CADPS: variants seen among roughly 807,000 people sequenced by gnomAD.
CADPS encodes calcium-dependent secretion activator 1.
Under a neutral mutation model 167.3 loss-of-function variants are expected in CADPS, and 57 were observed. The observed-to-expected ratio is 0.34, with a 90% CI of 0.28 to 0.42. The LOEUF (loss-of-function observed/expected upper bound fraction) is 0.42, where lower values mean the gene tolerates loss of function less well. Ranked by LOEUF, CADPS falls within the 20% of genes least tolerant of loss-of-function variation. CADPS has a pLI of 1.00. For missense variants in CADPS, 1,414 were observed against 1,738.1 expected, an observed-to-expected ratio of 0.81 and a Z score of 3.32; for synonymous variants, 676 against 635.3, an observed-to-expected ratio of 1.06 and a Z score of -0.96.
intron 17 of CADPS, among the ~76,000 whole-genome samples, chr3:62,510,190 G>A (rs146196991): frequency 5.3e-5 from 1 of 18,820 alleles, no homozygotes; most frequent in Non-Finnish European, 1.0e-4. Flanking sequence ...ACCTATTTCT[G>A]CATCTATCTA....
Position 62,474,170 on chromosome 3 carries a change from T to TTTTTTTTTTTTTTTTTAAC in CADPS, c.3477+2_3477+3insGTTAAAAAAAAAAAAAAAA. 6.8e-7 allele frequency: 1 copy of TTTTTTTTTTTTTTTTTAAC among 1,475,400 alleles called. No individual in the cohort carries two copies. The highest frequency in any genetic ancestry group is 9.0e-7 in the Non-Finnish European group (1 of 1,105,888). The allele number at this position is 1,475,400 out of a possible 1,614,324, so 91.4% of individuals were successfully genotyped here. On this transcript the variant is annotated splice_region_variant and intron_variant, in intron 24 of 29. Transcript: ENST00000383710. ...AAATCTGTATTTTTTTTTTTTTTTTTACCTCTTGGCCCATTTCCATGCTGC... is the reference window on the plus strand; with the variant it reads ...AAATCTGTATTTTTTTTTTTTTTTTTTTTTTTTTTTTTTTTTAACACCTCTTGGCCCATTTCCATGCTGC...
At chr3:62,731,506 C>T (rs1397723255) in intron 3 of CADPS, among the ~76,000 whole-genome samples, 1 of 152,010 alleles carries the variant, frequency 6.6e-6, no homozygotes, top group Admixed American at 6.6e-5. Flanking sequence ...ATAACTTGTA[C>T]CCCAAATTAG....
chr3:62,608,484 T>C (rs2061012596), intron 6 of CADPS, among the ~76,000 whole-genome samples: 1 of 151,988 alleles, frequency 6.6e-6, no homozygotes, highest in Non-Finnish European at 1.5e-5. Flanking sequence ...GGTTTTGCCA[T>C]GTTGCCCAGG....
chr3:62,543,845 C>T (rs2076071294), intron 11 of CADPS, among the ~76,000 whole-genome samples: 6 of 151,982 alleles, frequency 3.9e-5, no homozygotes, highest in Admixed American at 3.9e-4. Context: ...ATAGTTTTTT[C>T]CTATATAAAT....
rs1000386474 is a variant in CADPS at position 62,727,794 on chromosome 3, A to T, written c.888+25647T>A. 4.6e-5 allele frequency among the ~76,000 whole-genome samples: 7 copies of T among 151,920 alleles called. 1 individual carries two copies. Among genetic ancestry groups the T allele is most frequent in the Admixed American group, 3.3e-4 (5 of 15,272 alleles). On this transcript the variant is annotated intron_variant, in intron 3 of 29. Transcript: ENST00000383710. The stretch of plus-strand genomic sequence containing the variant: ...TCATCTGATGGGAATTGGATAAAGG[A>T]AATGGAAATTCTGATGAAGCTTCCC...
chr3:62,428,250 TTTTGGACACACAAAAA>T (rs2053164779), intron 28 of CADPS, among the ~76,000 whole-genome samples: 1 of 151,290 alleles, frequency 6.6e-6, no homozygotes, highest in Non-Finnish European at 1.5e-5. Context: ...CTTTTCAGGT[TTTTGGACACACAAAAA>T]TAACTTGCAG....
At chr3:62,692,301 T>C (rs1029356538) in intron 3 of CADPS, among the ~76,000 whole-genome samples, 2 of 151,828 alleles carry the variant, frequency 1.3e-5, no homozygotes, top group Non-Finnish European at 2.9e-5. Context: ...GTAATTCTTC[T>C]GCTCAACAAA....
intron 6 of CADPS, among the ~76,000 whole-genome samples, chr3:62,604,502 T>C (rs975052158): frequency 6.6e-6 from 1 of 152,232 alleles, no homozygotes; most frequent in Non-Finnish European, 1.5e-5. Flanking sequence ...GATTGCATTA[T>C]TCATTGAAGG....
At chr3:62,576,082 A>C (rs2082210253) in intron 8 of CADPS, among the ~76,000 whole-genome samples, 1 of 152,228 alleles carries the variant, frequency 6.6e-6, no homozygotes, top group Non-Finnish European at 1.5e-5. Flanking sequence ...GCAGACATAC[A>C]GGTGGCTTCC....
chr3:62,452,749 A>G (rs1409830303), intron 26 of CADPS, among the ~76,000 whole-genome samples: 1 of 152,186 alleles, frequency 6.6e-6, no homozygotes, highest in Non-Finnish European at 1.5e-5. Context: ...GAAGTGGATG[A>G]TGTAAAGTGA....
At chr3:62,431,470 C>T (rs1281264339) in intron 28 of CADPS, among the ~76,000 whole-genome samples, 12 of 151,816 alleles carry the variant, frequency 7.9e-5, no homozygotes, top group Admixed American at 5.3e-4. Flanking sequence ...TAAAAAACCC[C>T]GGTTGAATTC....
intron 28 of CADPS, among the ~76,000 whole-genome samples, chr3:62,415,099 G>T (rs532179286): frequency 1.2e-5 from 1 of 86,550 alleles, no homozygotes; most frequent in East Asian, 3.0e-4. Flanking sequence ...CACCCTCCCC[G>T]CCCCATACTT....
intron 3 of CADPS, among the ~76,000 whole-genome samples, chr3:62,687,874 A>C (rs952268142): frequency 2.0e-5 from 3 of 151,990 alleles, no homozygotes; most frequent in Admixed American, 6.6e-5. Context: ...ACTGTGAAGC[A>C]GGTGCAAGTG....
chr3:62,572,054 T>C (rs2081387977), intron 8 of CADPS, among the ~76,000 whole-genome samples: 1 of 152,206 alleles, frequency 6.6e-6, no homozygotes, highest in African/African-American at 2.4e-5. Flanking sequence ...ACCTGTCTAC[T>C]GTCATCAACA....
intron 28 of CADPS, among the ~76,000 whole-genome samples, chr3:62,422,801 A>C (rs2051733946): frequency 6.6e-6 from 1 of 152,210 alleles, no homozygotes. Context: ...TGCCATTGAA[A>C]ACTTAGCTAT....
chr3:62,864,880 TCAAC>T (rs1453299666), intron 1 of CADPS, among the ~76,000 whole-genome samples: 1 of 152,150 alleles, frequency 6.6e-6, no homozygotes, highest in Non-Finnish European at 1.5e-5. Flanking sequence ...TCTCAACTTC[TCAAC>T]CAGATTGCTA....
At chr3:62,708,236 G>A (rs1164085207) in intron 3 of CADPS, among the ~76,000 whole-genome samples, 2 of 107,620 alleles carry the variant, frequency 1.9e-5, no homozygotes, top group Non-Finnish European at 4.0e-5. Context: ...GCACAAGGAA[G>A]TGTTAAAGTG....
At chr3:62,598,575 T>A (rs1445231606) in intron 6 of CADPS, among the ~76,000 whole-genome samples, 1 of 152,220 alleles carries the variant, frequency 6.6e-6, no homozygotes, top group Admixed American at 6.5e-5. Context: ...CAAATTCCTA[T>A]CTCAAAAGTG....
intron 9 of CADPS, among the ~76,000 whole-genome samples, 164 bp from the exon 10 acceptor site, chr3:62,557,677 C>G (rs1159100631): frequency 6.6e-6 from 1 of 152,200 alleles, no homozygotes; most frequent in Non-Finnish European, 1.5e-5. Flanking sequence ...CTTAACCTCT[C>G]TGGTCCTTCA....
Sources: allele counts gnomAD v4.1 joint callset (sites outside exome capture counted in the v4.1 genomes callset), GRCh38; gene constraint gnomAD v4.1.1; transcripts MANE v1.5; gene names NCBI Gene and HGNC (gene_info 2026-07-23, HGNC 2026-07-21).